Variants in SYN3 observed in about 807,000 individuals in gnomAD.
SYN3 encodes the protein synapsin-3.
A neutral mutation model predicts 65.8 loss-of-function variants in SYN3; 35 were observed. That is an observed-to-expected ratio of 0.53 (90% CI 0.41 to 0.70). The LOEUF is 0.70. SYN3 is among the 30% of genes least tolerant of loss of function. The probability of loss-of-function intolerance (pLI) is 0.00; values close to 1 mark genes in which losing one functional copy is unlikely to be tolerated. For missense variants in SYN3, 680 were observed against 749.0 expected (o/e 0.91, Z 1.08); for synonymous variants, 270 against 292.9 (o/e 0.92, Z 0.80).
intron 4 of SYN3, among the ~76,000 whole-genome samples, chr22:32,917,820 G>A (rs1475680393): frequency 6.6e-6 from 1 of 152,244 alleles, no homozygotes; most frequent in African/African-American, 2.4e-5. Flanking sequence ...GCCTGGCATC[G>A]CTTTACAGGC....
At chr22:32,613,580 G>A (rs1707939304) in intron 6 of SYN3, among the ~76,000 whole-genome samples, 1 of 152,176 alleles carries the variant, frequency 6.6e-6, no homozygotes, top group Non-Finnish European at 1.5e-5. Flanking sequence ...GGCAAGGATA[G>A]CATTCATTTT....
At chr22:32,993,227 A>T (rs968873177) in intron 2 of SYN3, among the ~76,000 whole-genome samples, 9 of 151,996 alleles carry the variant, frequency 5.9e-5, no homozygotes, top group African/African-American at 1.5e-4. Flanking sequence ...TGTTCCTGCC[A>T]CCTAGATCTG....
chr22:32,849,178 C>T (rs771988148), intron 6 of SYN3, among the ~76,000 whole-genome samples: 8 of 152,108 alleles, frequency 5.3e-5, no homozygotes, highest in Non-Finnish European at 1.0e-4. Context: ...TCCTCAGGGT[C>T]GGCGGGGGTT....
chr22:32,587,094 C>T (rs544445049), intron 7 of SYN3, among the ~76,000 whole-genome samples: 3 of 151,960 alleles, frequency 2.0e-5, no homozygotes, highest in East Asian at 1.9e-4. Context: ...TGGTGGCCTG[C>T]GTCTGTAGTC....
intron 2 of SYN3, among the ~76,000 whole-genome samples, chr22:32,982,226 A>C (rs2052392663): frequency 6.6e-6 from 1 of 152,228 alleles, no homozygotes; most frequent in Admixed American, 6.5e-5. Context: ...TATATGCCCC[A>C]CATACTCCAC....
rs149828354 is a variant in SYN3, at chr22:32,747,754, G to A, written c.711+117161C>T. Among the ~76,000 whole-genome samples, 381 of 152,286 alleles carry A rather than the reference G, an allele frequency of 2.5e-3. 6 individuals are homozygous for A. The highest frequency in any genetic ancestry group is 0.022 in the Admixed American group (333 of 15,306). Reference sequence around the variant, plus strand: ...CGCAGTGAGTGGGTTCCAGCGCCCAGCGATGAGCTCATGCACCAGTGTCAG... The same window carrying A: ...CGCAGTGAGTGGGTTCCAGCGCCCAACGATGAGCTCATGCACCAGTGTCAG... On this transcript the variant is annotated intron_variant, in intron 6 of 13. Transcript: ENST00000358763.
intron 1 of SYN3, among the ~76,000 whole-genome samples, chr22:33,024,689 A>G (rs748091712): frequency 2.0e-5 from 3 of 152,220 alleles, no homozygotes; most frequent in Non-Finnish European, 4.4e-5. Flanking sequence ...GGAATACAAT[A>G]AAGATTATAA....
At chr22:32,768,474 A>G (rs4821100) in intron 6 of SYN3, among the ~76,000 whole-genome samples, 119,217 of 152,082 alleles carry the variant, frequency 0.78, 47,575 homozygotes, top group African/African-American at 0.94. Context: ...TTCAATCGCC[A>G]CCTCTTTGCT....
intron 3 of SYN3, 104 bp downstream of exon 3, chr22:32,980,541 G>A: frequency 1.9e-6 from 2 of 1,031,700 alleles, no homozygotes; most frequent in South Asian, 1.4e-5. Context: ...TGGTAATCTT[G>A]GCTCATTATG....
intron 2 of SYN3, among the ~76,000 whole-genome samples, chr22:32,993,975 G>A (rs544202246): frequency 6.2e-4 from 94 of 152,026 alleles, no homozygotes; most frequent in African/African-American, 2.0e-3. Flanking sequence ...CGAGGGTGAA[G>A]CTCTCCCCTA....
At chr22:32,876,900 T>C (rs187806223) in intron 4 of SYN3, among the ~76,000 whole-genome samples, 266 of 152,376 alleles carry the variant, frequency 1.7e-3, no homozygotes, top group Non-Finnish European at 2.5e-3. Context: ...GTGCATTTAC[T>C]AAAACTTTCG....
intron 6 of SYN3, among the ~76,000 whole-genome samples, chr22:32,804,526 T>A (rs963041494): frequency 6.6e-6 from 1 of 152,156 alleles, no homozygotes; most frequent in Non-Finnish European, 1.5e-5. Flanking sequence ...ATCATGGTGG[T>A]TTTCTCTTCA....
chr22:32,723,273 C>T (rs755416133), intron 6 of SYN3, among the ~76,000 whole-genome samples: 3 of 152,234 alleles, frequency 2.0e-5, no homozygotes, highest in Non-Finnish European at 4.4e-5. Context: ...GTCAACATCA[C>T]TTGCTTCTGT....
intron 4 of SYN3, among the ~76,000 whole-genome samples, chr22:32,874,982 T>C (rs2048945937): frequency 6.6e-6 from 1 of 152,174 alleles, no homozygotes; most frequent in African/African-American, 2.4e-5. Context: ...AGACTTAGGG[T>C]ACCACTATTC....
At chr22:32,690,012 C>T (rs1601919563) in intron 6 of SYN3, among the ~76,000 whole-genome samples, 1 of 152,112 alleles carries the variant, frequency 6.6e-6, no homozygotes. Context: ...CCCGTCTCTA[C>T]TAAAAATACA....
intron 7 of SYN3, among the ~76,000 whole-genome samples, chr22:32,557,913 G>C (rs2146335577): frequency 6.6e-6 from 1 of 152,296 alleles, no homozygotes. Flanking sequence ...CATATGTTTT[G>C]TGTAAGTGTC....
intron 1 of SYN3, among the ~76,000 whole-genome samples, chr22:33,036,036 A>G (rs990685251): frequency 6.6e-6 from 1 of 151,980 alleles, no homozygotes; most frequent in Non-Finnish European, 1.5e-5. Flanking sequence ...TTCATCATTC[A>G]CCTTATCTTA....
chr22:32,944,140 A>G (rs1412240548), intron 3 of SYN3, among the ~76,000 whole-genome samples: 2 of 152,236 alleles, frequency 1.3e-5, no homozygotes, highest in Non-Finnish European at 2.9e-5. Context: ...TCAACAGAAT[A>G]TACAGTCTTC....
intron 6 of SYN3, chr22:32,802,186 G>A: frequency 1.3e-6 from 2 of 1,528,074 alleles, no homozygotes; most frequent in Non-Finnish European, 1.8e-6. Context: ...GCTGCTTAGG[G>A]AGGCAGGGCG....
Sources: allele counts gnomAD v4.1 joint callset (sites outside exome capture counted in the v4.1 genomes callset), GRCh38; gene constraint gnomAD v4.1.1; transcripts MANE v1.5; gene names NCBI Gene and HGNC (gene_info 2026-07-23, HGNC 2026-07-21).